RTN3: variants seen among roughly 807,000 people sequenced by gnomAD.
RTN3 encodes reticulon-3.
RTN3 carries 49 observed loss-of-function variants against 77.8 expected under a neutral mutation model. The ratio of observed to expected loss-of-function variants is 0.63; its 90% CI spans 0.50 to 0.80. The LOEUF (loss-of-function observed/expected upper bound fraction) is 0.80. RTN3 is among the 30% of genes least tolerant of loss of function. The pLI, the probability that RTN3 is intolerant of heterozygous loss-of-function variation, is 0.00. For missense variants in RTN3, 1,236 were observed against 1,211.9 expected, an observed-to-expected ratio of 1.02 and a Z score of -0.29; for synonymous variants, 464 against 446.9, an observed-to-expected ratio of 1.04 and a Z score of -0.48.
chr11:63,690,861 TACTC>T (rs1159531078), intron 1 of RTN3, among the ~76,000 whole-genome samples: 9 of 152,316 alleles, frequency 5.9e-5, no homozygotes, highest in Non-Finnish European at 1.2e-4. Flanking sequence ...TGACACCACA[TACTC>T]ACTCTCACTG....
rs551710769 is a variant in RTN3 at position 63,720,317 on chromosome 11, T to C, written c.1815T>C (p.Thr605=). ...VSEVAPEKPI[T]TENPKLPSTV... ...AAGTTGCTCCTGAAAAGCCTATTAC[T>C]ACTGAGAACCCCAAACTTCCTTCAA... The change falls in exon 3 of 9, where the codon ACT becomes ACC. Residue 605 remains threonine, a synonymous_variant. Coordinates refer to ENST00000377819, the MANE Select transcript of RTN3 (RefSeq NM_001265589.2). 1 of 1,613,758 alleles carries C rather than the reference T, an allele frequency of 6.2e-7. No homozygotes were observed. Among genetic ancestry groups the C allele is most frequent in the Non-Finnish European group, 8.5e-7 (1 of 1,179,904 alleles).
At chr11:63,715,931 T>A (rs140132764) in intron 2 of RTN3, among the ~76,000 whole-genome samples, 24 of 152,358 alleles carry the variant, frequency 1.6e-4, no homozygotes, top group Admixed American at 1.2e-3. Flanking sequence ...AATACTGGGC[T>A]TCATTTCTGT....
intron 3 of RTN3, among the ~76,000 whole-genome samples, chr11:63,747,728 T>A (rs1020206746): frequency 6.6e-6 from 1 of 152,222 alleles, no homozygotes; most frequent in Admixed American, 6.5e-5. Flanking sequence ...GTTCATTTTA[T>A]CGCAAATAAG....
intron 3 of RTN3, among the ~76,000 whole-genome samples, chr11:63,736,545 G>A (rs1411349830): frequency 2.0e-5 from 3 of 152,058 alleles, no homozygotes; most frequent in Non-Finnish European, 2.9e-5. Flanking sequence ...AAAATTAGCT[G>A]GATGTGGTGG....
At chr11:63,737,416 C>G (rs772104588) in intron 3 of RTN3, among the ~76,000 whole-genome samples, 7 of 152,076 alleles carry the variant, frequency 4.6e-5, no homozygotes, top group Non-Finnish European at 1.0e-4. Flanking sequence ...TTGAGACCAG[C>G]CTGGCCAACA....
chr11:63,681,892 C>T (rs1941073835), intron 1 of RTN3, 114 bp downstream of exon 1: 2 of 1,142,624 alleles, frequency 1.8e-6, no homozygotes, highest in Admixed American at 3.1e-5. Context: ...CTACTGACGG[C>T]TTCAGCCCCC....
At chr11:63,734,781 A>ACACACACACACACC (rs778043704) in intron 3 of RTN3, among the ~76,000 whole-genome samples, 7 of 105,000 alleles carry the variant, frequency 6.7e-5, no homozygotes, top group East Asian at 2.5e-4. Flanking sequence ...ACACACACAC[A>ACACACACACACACC]CCATACTGGA....
chr11:63,723,582 C>A (rs2011985077), intron 3 of RTN3, among the ~76,000 whole-genome samples: 1 of 151,930 alleles, frequency 6.6e-6, no homozygotes, highest in Admixed American at 6.6e-5. Context: ...TGCCACCACG[C>A]CCAGCTAATT....
At chr11:63,705,323 A>G (rs1419598034) in intron 2 of RTN3, among the ~76,000 whole-genome samples, 2 of 152,132 alleles carry the variant, frequency 1.3e-5, no homozygotes, top group African/African-American at 4.8e-5. Flanking sequence ...CCCTGTGTCT[A>G]CAGAAAATAT....
At chr11:63,728,420 C>T (rs1297534052) in intron 3 of RTN3, among the ~76,000 whole-genome samples, 1 of 152,132 alleles carries the variant, frequency 6.6e-6, no homozygotes, top group Non-Finnish European at 1.5e-5. Context: ...GCAGAATATT[C>T]AAAGGGCTCA....
In RTN3 at chr11:63,744,240, CAAAAAAAAAAAAA is replaced by C. The variant is rs71468642; in HGVS notation, c.2531-5737_2531-5725del. 6.0e-3 allele frequency among the ~76,000 whole-genome samples: 380 copies of C among 63,634 alleles called. 2 individuals are homozygous for C. Among genetic ancestry groups the C allele is most frequent in the Non-Finnish European group, 7.5e-3 (304 of 40,526 alleles). The allele number at this position is 63,634 out of a possible 152,430, so 41.7% of individuals were successfully genotyped here. ...CTGGCGACAGAGCAAGACTCTGTCT[CAAAAAAAAAAAAA>C]AAAAAAAAAAAAAGTGGGAAAGGAA... On this transcript the variant is annotated intron_variant, in intron 3 of 8. Transcript: ENST00000377819.
chr11:63,746,731 G>A (rs1429355547), intron 3 of RTN3, among the ~76,000 whole-genome samples: 3 of 152,010 alleles, frequency 2.0e-5, no homozygotes, highest in Admixed American at 2.0e-4. Flanking sequence ...AGCCAGGATG[G>A]TCTCGGTCTC....
intron 2 of RTN3, among the ~76,000 whole-genome samples, chr11:63,707,188 G>T (rs117634411): frequency 6.6e-6 from 1 of 151,986 alleles, no homozygotes; most frequent in Non-Finnish European, 1.5e-5. Context: ...CATGAGTCAC[G>T]TCGCCAGGCC....
chr11:63,733,399 G>A (rs975043993), intron 3 of RTN3, among the ~76,000 whole-genome samples: 1 of 152,048 alleles, frequency 6.6e-6, no homozygotes, highest in Non-Finnish European at 1.5e-5. Context: ...TGAGGCAGGA[G>A]AATCGCTTGA....
At chr11:63,755,983 G>A (rs1327784890) in intron 7 of RTN3, 129 bp from the exon 8 acceptor site, 3 of 655,274 alleles carry the variant, frequency 4.6e-6, no homozygotes, top group East Asian at 5.6e-5. Flanking sequence ...TTTAAAAACT[G>A]GGTGTTTTCA....
intron 1 of RTN3, among the ~76,000 whole-genome samples, chr11:63,684,123 CTTTTGGTTTTTTTTTTTTTTTTTTTTT>C (rs1417460002): frequency 3.7e-4 from 19 of 51,306 alleles, no homozygotes; most frequent in Non-Finnish European, 5.8e-4. Context: ...GGTTAATTTT[CTTTTGGTTTTTTTTTTTTTTTTTTTTT>C]TTTTGGTTTT....
At chr11:63,702,140 G>A (rs545205951) in intron 1 of RTN3, among the ~76,000 whole-genome samples, 3 of 151,962 alleles carry the variant, frequency 2.0e-5, no homozygotes, top group Non-Finnish European at 2.9e-5. Flanking sequence ...TTTTATAATT[G>A]CAAGATAAAA....
rs186202477 is a variant in RTN3 at position 63,706,230 on chromosome 11, G to A, written c.199+1323G>A. Among the ~76,000 whole-genome samples the A allele has an allele frequency of 6.1e-4, 93 of 152,256 alleles. 1 individual carries two copies. The highest frequency in any genetic ancestry group is 2.2e-3 in the African/African-American group (90 of 41,566). ...AGGGTCTCACTCTGTCACCCTGGCT[G>A]AAGGGCAATGGCACTTCATTGAATT... On this transcript the variant is annotated intron_variant, in intron 2 of 8. Coordinates refer to ENST00000377819, the MANE Select transcript of RTN3 (RefSeq NM_001265589.2).
chr11:63,684,129 G>T (rs1415226272), intron 1 of RTN3, among the ~76,000 whole-genome samples: 4 of 85,270 alleles, frequency 4.7e-5, no homozygotes, highest in African/African-American at 1.6e-4. Flanking sequence ...TTTTCTTTTG[G>T]TTTTTTTTTT....
Sources: gnomAD v4.1 joint callset for allele counts (sites outside exome capture counted in the v4.1 genomes callset) on GRCh38, gnomAD v4.1.1 for gene constraint, MANE v1.5 for transcripts, NCBI Gene and HGNC (gene_info 2026-07-23, HGNC 2026-07-21) for gene names.